The following CDH6 variants were observed in gnomAD, a reference collection of about 807,000 sequenced individuals.
The protein encoded by CDH6 is cadherin 6, also known as cadherin-6.
CDH6 carries 31 observed loss-of-function variants against 78.0 expected under a neutral mutation model. That is an observed-to-expected ratio of 0.40 (90% confidence interval 0.30 to 0.54). CDH6 has a LOEUF of 0.54. Among genes scored for constraint, CDH6 ranks in the 20% least tolerant of loss-of-function variants. CDH6 has a pLI of 0.56. For synonymous variants in CDH6, 376 were observed against 368.8 expected (o/e 1.02, Z -0.23); for missense variants, 724 against 975.9 (o/e 0.74, Z 3.44).
At chr5:31,258,915 G>A (rs1291162281) in intron 1 of CDH6, among the ~76,000 whole-genome samples, 1 of 152,168 alleles carries the variant, frequency 6.6e-6, no homozygotes, top group Non-Finnish European at 1.5e-5. Context: ...CAGAGTGAGG[G>A]CACCCTAGTC....
chr5:31,256,185 G>C (rs1400444460), intron 1 of CDH6, among the ~76,000 whole-genome samples: 1 of 152,018 alleles, frequency 6.6e-6, no homozygotes, highest in Non-Finnish European at 1.5e-5. Flanking sequence ...TTTCATTTTA[G>C]TGATGTTGTA....
intron 1 of CDH6, among the ~76,000 whole-genome samples, chr5:31,225,620 C>T (rs536498840): frequency 2.6e-5 from 4 of 152,054 alleles, no homozygotes; most frequent in African/African-American, 7.2e-5. Flanking sequence ...GTGCTACACA[C>T]TTTTAAACAG....
At chr5:31,254,452 C>T (rs191978625) in intron 1 of CDH6, among the ~76,000 whole-genome samples, 3 of 152,268 alleles carry the variant, frequency 2.0e-5, no homozygotes, top group Admixed American at 2.0e-4. Context: ...GTTTTGCTGT[C>T]TCATGTCAAA....
chr5:31,253,736 G>A (rs1220597263), intron 1 of CDH6, among the ~76,000 whole-genome samples: 1 of 151,978 alleles, frequency 6.6e-6, no homozygotes, highest in African/African-American at 2.4e-5. Flanking sequence ...TAATAAACCT[G>A]TGGAGCCTTA....
At position 31,223,328 on chromosome 5, in the gene CDH6, T is replaced by A. The variant is rs771155790; in HGVS notation, c.-129+29442T>A. ...CTGCTTTGCTCACAATATTCTGACT[T>A]TGTATTTATTTCTCCTTGAAGAATT... On this transcript the variant is annotated intron_variant, in intron 1 of 11. Transcript: ENST00000265071. 1.1e-4 allele frequency among the ~76,000 whole-genome samples: 17 copies of A among 152,182 alleles called. 1 individual carries two copies. Among genetic ancestry groups the A allele is most frequent in the Admixed American group, 4.6e-4 (7 of 15,274 alleles).
At chr5:31,286,609 G>A (rs981446319) in intron 2 of CDH6, among the ~76,000 whole-genome samples, 3 of 152,174 alleles carry the variant, frequency 2.0e-5, no homozygotes, top group Non-Finnish European at 4.4e-5. Context: ...AGGCCGTGCC[G>A]GGCTTTGGAG....
intron 1 of CDH6, among the ~76,000 whole-genome samples, chr5:31,219,464 T>C (rs1007654540): frequency 1.3e-5 from 2 of 152,052 alleles, no homozygotes; most frequent in Non-Finnish European, 2.9e-5. Flanking sequence ...CCATTCCTAC[T>C]CTCTGAAACT....
intron 1 of CDH6, among the ~76,000 whole-genome samples, chr5:31,196,345 C>T (rs1740167231): frequency 6.6e-6 from 1 of 152,170 alleles, no homozygotes; most frequent in Non-Finnish European, 1.5e-5. Flanking sequence ...AAAATTAGGA[C>T]TAATTGAGTG....
intron 1 of CDH6, among the ~76,000 whole-genome samples, chr5:31,259,627 C>A (rs1742157150): frequency 6.6e-6 from 1 of 152,190 alleles, no homozygotes. Context: ...AATTCTGCAA[C>A]CTAAACCTAT....
At chr5:31,202,206 C>A (rs1740370120) in intron 1 of CDH6, among the ~76,000 whole-genome samples, 1 of 152,162 alleles carries the variant, frequency 6.6e-6, no homozygotes, top group South Asian at 2.1e-4. Context: ...CTTCAAAAAG[C>A]AATTGCCTTC....
intron 2 of CDH6, among the ~76,000 whole-genome samples, chr5:31,270,986 A>G (rs1465399560): frequency 6.6e-6 from 1 of 152,212 alleles, no homozygotes; most frequent in African/African-American, 2.4e-5. Context: ...GGCTAATAGA[A>G]CCTTTAATCA....
rs764475205 is a variant in CDH6 at position 31,294,273 on chromosome 5, T to C, written c.523+17T>C. 6.3e-7 allele frequency: 1 copy of C among 1,599,074 alleles called. No homozygotes were observed. The highest frequency in any genetic ancestry group is 1.1e-5 in the South Asian group (1 of 88,248). ...CTGATGTCGGTGAGTGAGACGTGAC[T>C]TCAGCCAAAAGCTGGCTTTCCCCTA... On this transcript the variant is annotated intron_variant, in intron 3 of 11. Transcript: ENST00000265071. The surrounding 1 kb of genome is among the most constrained non-coding windows in gnomAD (Gnocchi z 4.1).
Position 31,313,433 on chromosome 5 carries a change from A to G in CDH6, c.1369A>G (p.Thr457Ala), listed in dbSNP as rs138335545. ...DRETLLWHNI[T>A]VIATEINNPK... ...AGAAACACTGCTATGGCACAACATT[A>G]CAGTGATAGCAACAGAGATCAGTAA... Residue 457 changes from threonine (T) to alanine (A), a missense_variant, in exon 8 of 12, where the codon ACA becomes GCA. Physicochemically the swap from Thr to Ala is moderately conservative, Grantham distance 58. Transcript: ENST00000265071. 1 of 1,614,018 alleles carries G rather than the reference A, an allele frequency of 6.2e-7. No individual in the cohort carries two copies. Among genetic ancestry groups the G allele is most frequent in the Non-Finnish European group, 8.5e-7 (1 of 1,179,892 alleles).
chr5:31,260,345 C>T (rs956549774), intron 1 of CDH6, among the ~76,000 whole-genome samples: 3 of 152,132 alleles, frequency 2.0e-5, no homozygotes, highest in East Asian at 3.9e-4. Flanking sequence ...TGTGGCATGC[C>T]GGAGTCTGCT....
At chr5:31,298,853 C>T (rs983795844) in intron 4 of CDH6, among the ~76,000 whole-genome samples, 1 of 152,062 alleles carries the variant, frequency 6.6e-6, no homozygotes, top group Non-Finnish European at 1.5e-5. Flanking sequence ...AGACCTTGAA[C>T]CTTAATTCCA....
chr5:31,268,749 G>A lies in CDH6; in HGVS notation c.228+1048G>A, dbSNP rs75067457. On this transcript the variant is annotated intron_variant, in intron 2 of 11. Coordinates refer to ENST00000265071, the MANE Select transcript of CDH6 (RefSeq NM_004932.4). ...ATACACTTTGCAGATTCCAAAGGCT[G>A]CATGTTCACACTTCAATCTGTGATC... 4.5e-3 allele frequency among the ~76,000 whole-genome samples: 686 copies of A among 152,278 alleles called. 11 individuals carry two copies. The South Asian group carries it at 0.05, about 11-fold the overall frequency.
At chr5:31,235,236 C>CTTTTTTTTTTTTT (rs543675071) in intron 1 of CDH6, among the ~76,000 whole-genome samples, 53 of 110,616 alleles carry the variant, frequency 4.8e-4, no homozygotes, top group Admixed American at 6.3e-4. Flanking sequence ...ATTCCTTTTT[C>CTTTTTTTTTTTTT]TTTTTTTTTT....
chr5:31,203,858 C>T (rs1358441206), intron 1 of CDH6, among the ~76,000 whole-genome samples: 1 of 151,702 alleles, frequency 6.6e-6, no homozygotes, highest in African/African-American at 2.4e-5. Flanking sequence ...GTTTACAGTC[C>T]CACCAACAGT....
intron 7 of CDH6, 30 bp from the exon 8 acceptor site, chr5:31,313,288 G>A (rs753763360): frequency 6.3e-7 from 1 of 1,586,132 alleles, no homozygotes; most frequent in Non-Finnish European, 8.6e-7. Context: ...AGAAAGAAAA[G>A]CCTTTCTTAA....
Sources: allele counts gnomAD v4.1 joint callset (sites outside exome capture counted in the v4.1 genomes callset), GRCh38; gene constraint gnomAD v4.1.1; non-coding constraint Gnocchi (gnomAD v3.1); transcripts MANE v1.5; gene names NCBI Gene and HGNC (gene_info 2026-07-23, HGNC 2026-07-21).